The following MAGED1 variants were observed in gnomAD, a reference collection of about 807,000 sequenced individuals.
MAGED1 encodes MAGE family member D1.
MAGED1 carries 3 observed loss-of-function variants against 54.1 expected under a neutral mutation model. The ratio of observed to expected loss-of-function variants is 0.06; its 90% CI spans 0.03 to 0.14. The LOEUF (loss-of-function observed/expected upper bound fraction) is 0.14, where lower values mean the gene tolerates loss of function less well. Among genes scored for constraint, MAGED1 ranks in the 10% least tolerant of loss-of-function variants. MAGED1 has a pLI of 1.00. For synonymous variants in MAGED1, 217 were observed against 227.3 expected (o/e 0.95, Z 0.41); for missense variants, 485 against 623.4 (o/e 0.78, Z 2.36).
intron 1 of MAGED1, among the ~76,000 whole-genome samples, chrX:51,817,438 C>T (rs994266382): frequency 5.4e-5 from 6 of 111,871 alleles, no homozygotes; most frequent in Non-Finnish European, 1.1e-4. Context: ...TGACTCCATC[C>T]GGTCTGTGAC....
chrX:51,894,206 C>G (rs148478147), intron 1 of MAGED1, 63 bp from the exon 2 acceptor site: 7 of 629,801 alleles, frequency 1.1e-5, no homozygotes, highest in East Asian at 3.6e-5. Context: ...ACAGTCACCC[C>G]CCTCCCAATT....
chrX:51,830,323 T>G (rs1926014630), intron 1 of MAGED1, among the ~76,000 whole-genome samples: 1 of 111,198 alleles, frequency 9.0e-6, no homozygotes, highest in Admixed American at 9.6e-5. Flanking sequence ...TCAAATTTGG[T>G]TGCCTCTGGG....
At chrX:51,808,443 T>G (rs1371637865) in intron 1 of MAGED1, among the ~76,000 whole-genome samples, 4 of 112,356 alleles carry the variant, frequency 3.6e-5, no homozygotes, top group African/African-American at 1.3e-4. Context: ...GCATGGTGAC[T>G]CACCCCTGTA....
At chrX:51,835,084 G>A (rs782164709) in intron 1 of MAGED1, among the ~76,000 whole-genome samples, 4 of 111,624 alleles carry the variant, frequency 3.6e-5, no homozygotes, top group Non-Finnish European at 7.5e-5. Context: ...AATGTTGGTA[G>A]AATTTGCTTG....
chrX:51,809,986 G>A (rs782532761), intron 1 of MAGED1, among the ~76,000 whole-genome samples: 6 of 111,608 alleles, frequency 5.4e-5, no homozygotes, highest in Non-Finnish European at 1.1e-4. Flanking sequence ...TCATTTATCA[G>A]TGTTCATAGT....
At chrX:51,890,243 C>A (rs1557363265), upstream of MAGED1, among the ~76,000 whole-genome samples, 1 of 112,567 alleles carries the variant, frequency 8.9e-6, no homozygotes, top group Non-Finnish European at 1.9e-5. Context: ...TTTCACACAT[C>A]ATTGTTGGGG....
At position 51,901,652 on chromosome X, in the gene MAGED1, C is replaced by T; in HGVS notation, c.2059C>T (p.Arg687Trp). ...LDAAAAEAEARAEARTRMGIG... is the reference protein window; with the variant it reads ...LDAAAAEAEAWAEARTRMGIG... ...TGCTGCTGCAGCTGAGGCCGAAGCC[C>T]GGGCTGAAGCAAGAACCCGCATGGG... is the stretch of plus-strand genomic sequence containing the variant. The change falls in exon 12 of 13, where the codon CGG (arginine) becomes TGG (tryptophan). Residue 687 changes from arginine to tryptophan, a missense_variant. Arg to Trp is a moderately radical substitution (Grantham distance 101). Coordinates refer to ENST00000326587, the MANE Select transcript of MAGED1 (RefSeq NM_006986.4). The T allele has an allele frequency of 8.3e-7, 1 of 1,210,276 alleles. No homozygotes were observed. The highest frequency in any genetic ancestry group is 1.1e-6 in the Non-Finnish European group (1 of 894,773).
chrX:51,898,953 C>A, intron 10 of MAGED1: 1 of 214,510 alleles, frequency 4.7e-6, no homozygotes, highest in African/African-American at 2.9e-5. Context: ...CTGCAGTGAG[C>A]TGTGATCATG....
chrX:51,809,725 G>A (rs1925153642), intron 1 of MAGED1, among the ~76,000 whole-genome samples: 2 of 109,783 alleles, frequency 1.8e-5, no homozygotes, highest in South Asian at 7.7e-4. Context: ...GGTGTTTGTC[G>A]GGCTGATCTC....
At chrX:51,839,091 A>C (rs886557842) in intron 1 of MAGED1, among the ~76,000 whole-genome samples, 2 of 111,543 alleles carry the variant, frequency 1.8e-5, no homozygotes, top group African/African-American at 6.5e-5. Context: ...TCCACTTTGG[A>C]GATTATTTAT....
chrX:51,897,496 C>T (rs1557364459), intron 5 of MAGED1, 51 bp from the exon 6 acceptor site: 1 of 1,028,630 alleles, frequency 9.7e-7, no homozygotes, highest in Non-Finnish European at 1.4e-6. Flanking sequence ...AAAGGGACTG[C>T]TGCTCTGTGG....
intron 12 of MAGED1, 47 bp downstream of exon 12, chrX:51,901,985 T>C: frequency 6.2e-6 from 7 of 1,124,404 alleles, no homozygotes; most frequent in Non-Finnish European, 8.3e-6. Context: ...CTGGGGGATA[T>C]AGGGTCCATG....
intron 11 of MAGED1, 21 bp from the exon 12 acceptor site, chrX:51,901,532 G>C: frequency 8.8e-7 from 1 of 1,134,568 alleles, no homozygotes; most frequent in Non-Finnish European, 1.2e-6. Flanking sequence ...ATTTTGTTTT[G>C]TTTTCTATTC....
chrX:51,809,131 T>C (rs978254414), intron 1 of MAGED1, among the ~76,000 whole-genome samples: 1 of 111,133 alleles, frequency 9.0e-6, no homozygotes, highest in African/African-American at 3.3e-5. Flanking sequence ...TATTTTTTTT[T>C]TGAGACGGAG....
intron 1 of MAGED1, among the ~76,000 whole-genome samples, chrX:51,843,935 A>G (rs1926594413): frequency 8.9e-6 from 1 of 111,937 alleles, no homozygotes; most frequent in Non-Finnish European, 1.9e-5. Flanking sequence ...TAAACATTCT[A>G]ATAGTGAGGG....
intron 5 of MAGED1, 71 bp from the exon 6 acceptor site, chrX:51,897,476 C>G (rs933433762): frequency 1.5e-5 from 14 of 908,589 alleles, no homozygotes; most frequent in Non-Finnish European, 2.1e-5. Flanking sequence ...CTACCCCCAG[C>G]AGGGCTGGCA....
chrX:51,830,398 G>A (rs1557357310), intron 1 of MAGED1, among the ~76,000 whole-genome samples: 1 of 110,782 alleles, frequency 9.0e-6, no homozygotes, highest in Non-Finnish European at 1.9e-5. Context: ...AGAATGTTTA[G>A]TTTATTTCAT....
At chrX:51,864,105 G>A (rs901086111) in intron 1 of MAGED1, among the ~76,000 whole-genome samples, 14 of 110,399 alleles carry the variant, frequency 1.3e-4, no homozygotes, top group Non-Finnish European at 2.7e-4. Context: ...TTTTCTTCTA[G>A]AAGTTGTATG....
intron 1 of MAGED1, among the ~76,000 whole-genome samples, chrX:51,819,248 A>T (rs1925539135): frequency 9.1e-6 from 1 of 109,846 alleles, no homozygotes. Context: ...GGGGTCAGGA[A>T]AAGATTCAAA....
Sources: allele counts gnomAD v4.1 joint callset (sites outside exome capture counted in the v4.1 genomes callset), GRCh38; gene constraint gnomAD v4.1.1; transcripts MANE v1.5; gene names NCBI Gene and HGNC (gene_info 2026-07-23, HGNC 2026-07-21).